The following C2orf76 variants were observed in gnomAD, a reference collection of about 807,000 sequenced individuals.
C2orf76 encodes UPF0538 protein C2orf76.
In C2orf76, 23 loss-of-function variants were observed where a neutral mutation model predicts 16.9. The ratio of observed to expected loss-of-function variants is 1.36; its 90% CI spans 0.98 to 1.93. C2orf76 has a LOEUF of 1.93. Among genes scored for constraint, C2orf76 ranks in the 30% most tolerant of loss-of-function variants. C2orf76 has a pLI of 0.00. For missense variants in C2orf76, 152 were observed against 152.6 expected (o/e 1.00, Z 0.02); for synonymous variants, 48 against 52.3 (o/e 0.92, Z 0.35).
At chr2:119,346,069 A>AG (rs1680192024) in intron 1 of C2orf76, among the ~76,000 whole-genome samples, 1 of 151,798 alleles carries the variant, frequency 6.6e-6, no homozygotes, top group East Asian at 1.9e-4. Context: ...AAAAAAAAAA[A>AG]AAAAAAAGAA....
At chr2:119,337,107 G>T (rs1013240157) in intron 2 of C2orf76, among the ~76,000 whole-genome samples, 1 of 151,246 alleles carries the variant, frequency 6.6e-6, no homozygotes. Flanking sequence ...CCAGACTAGA[G>T]TGCAGTAGTG....
intron 2 of C2orf76, among the ~76,000 whole-genome samples, chr2:119,331,508 T>C (rs1281630330): frequency 6.6e-6 from 1 of 152,148 alleles, no homozygotes; most frequent in Admixed American, 6.5e-5. Context: ...TCTTCAAAGA[T>C]CCTCTGCAAA....
intron 2 of C2orf76, among the ~76,000 whole-genome samples, chr2:119,327,771 TA>T (rs1679555523): frequency 6.6e-6 from 1 of 152,158 alleles, no homozygotes; most frequent in Non-Finnish European, 1.5e-5. Flanking sequence ...GAGAGTCAAA[TA>T]AATCTCTTTT....
chr2:119,351,499 C>T (rs888875363), intron 1 of C2orf76, among the ~76,000 whole-genome samples: 35 of 152,240 alleles, frequency 2.3e-4, no homozygotes, highest in African/African-American at 7.5e-4. Context: ...ACCTGTAATA[C>T]CAGCACTTTT....
chr2:119,310,942 G>A (rs1428941252), intron 5 of C2orf76, among the ~76,000 whole-genome samples: 2 of 152,142 alleles, frequency 1.3e-5, no homozygotes, highest in African/African-American at 2.4e-5. Context: ...GTCACCAACC[G>A]CAGAGGTGTG....
At chr2:119,300,447 T>C (rs558034831), downstream of C2orf76, among the ~76,000 whole-genome samples, 2 of 152,280 alleles carry the variant, frequency 1.3e-5, no homozygotes, top group South Asian at 2.1e-4. Context: ...CTGGCTCCCA[T>C]CTACCTACTA....
chr2:119,365,351 CA>C (rs1273888071), intron 1 of C2orf76, among the ~76,000 whole-genome samples: 1 of 152,206 alleles, frequency 6.6e-6, no homozygotes. Flanking sequence ...AAGAAACCTG[CA>C]TTTCTTACAC....
At chr2:119,349,849 A>G (rs1680326335) in intron 1 of C2orf76, among the ~76,000 whole-genome samples, 1 of 152,140 alleles carries the variant, frequency 6.6e-6, no homozygotes, top group African/African-American at 2.4e-5. Flanking sequence ...TTTAAAGGGA[A>G]AGAATGCTGT....
At chr2:119,357,440 C>G (rs10194883) in intron 1 of C2orf76, among the ~76,000 whole-genome samples, 88,229 of 151,844 alleles carry the variant, frequency 0.58, 26,148 homozygotes, top group African/African-American at 0.68. Context: ...AAATTAACAA[C>G]CTAAAGAAAA....
chr2:119,359,422 G>T (rs916945587), intron 1 of C2orf76, among the ~76,000 whole-genome samples: 1 of 152,190 alleles, frequency 6.6e-6, no homozygotes, highest in African/African-American at 2.4e-5. Context: ...AATACATCTT[G>T]TAAGACTACT....
the C2orf76 span, among the ~76,000 whole-genome samples, chr2:119,282,698 A>G: frequency 6.6e-6 from 1 of 152,214 alleles, no homozygotes; most frequent in Non-Finnish European, 1.5e-5. Context: ...TGTTTGGAAA[A>G]CAGAGCTGCA....
intron 2 of C2orf76, among the ~76,000 whole-genome samples, chr2:119,326,581 T>C (rs1426304861): frequency 3.7e-5 from 5 of 135,268 alleles, no homozygotes; most frequent in Non-Finnish European, 8.0e-5. Context: ...TAGAATAAGT[T>C]TGGTATTATC....
At chr2:119,292,072 A>G in the C2orf76 span, among the ~76,000 whole-genome samples, 1 of 152,148 alleles carries the variant, frequency 6.6e-6, no homozygotes, top group East Asian at 1.9e-4. Flanking sequence ...CCTAAAGCAA[A>G]CACAGAAAGA....
chr2:119,367,054 G>T (rs1412305863), upstream of C2orf76: 3 of 1,614,132 alleles, frequency 1.9e-6, no homozygotes, highest in Non-Finnish European at 2.5e-6. Context: ...CGGCCAGGAT[G>T]TCTCAGGTAC....
chr2:119,327,474 T>C (rs1187828173), intron 2 of C2orf76, among the ~76,000 whole-genome samples: 1 of 151,742 alleles, frequency 6.6e-6, no homozygotes, highest in African/African-American at 2.4e-5. Context: ...AAGTTGGCGA[T>C]GAGCCTAGTG....
At chr2:119,306,738 A>C (rs1678799320) in intron 5 of C2orf76, among the ~76,000 whole-genome samples, 1 of 151,922 alleles carries the variant, frequency 6.6e-6, no homozygotes. Flanking sequence ...TCTTGCTTCT[A>C]CTGATCAAAT....
chr2:119,357,300 A>G (rs1269117597), intron 1 of C2orf76, among the ~76,000 whole-genome samples: 1 of 152,202 alleles, frequency 6.6e-6, no homozygotes. Flanking sequence ...ATAGACATGA[A>G]AATCCTTAGT....
intron 5 of C2orf76, chr2:119,311,162 G>C: frequency 2.0e-6 from 2 of 985,448 alleles, no homozygotes; most frequent in Non-Finnish European, 2.4e-6. Context: ...CACACACCAG[G>C]TTCCTATTTT....
intron 3 of C2orf76, 22 bp from the exon 4 acceptor site, chr2:119,317,525 TC>T (rs761159487): frequency 6.3e-7 from 1 of 1,588,128 alleles, no homozygotes; most frequent in Non-Finnish European, 8.6e-7. Context: ...AAGCAAGTTA[TC>T]TTTTTACACA....
Sources: gnomAD v4.1 joint callset for allele counts (sites outside exome capture counted in the v4.1 genomes callset) on GRCh38, gnomAD v4.1.1 for gene constraint, MANE v1.5 for transcripts, NCBI Gene and HGNC (gene_info 2026-07-23, HGNC 2026-07-21) for gene names.